Variants in SEC63 observed in about 807,000 individuals in gnomAD.
SEC63 encodes translocation protein SEC63 homolog.
In SEC63, 56 loss-of-function variants were observed where a neutral mutation model predicts 116.2. The ratio of observed to expected loss-of-function variants is 0.48; its 90% CI spans 0.39 to 0.60. SEC63 has a LOEUF of 0.60. Ranked by LOEUF, SEC63 falls within the 20% of genes least tolerant of loss-of-function variation. SEC63 has a pLI of 0.00. For missense variants in SEC63, 668 were observed against 900.0 expected (o/e 0.74, Z 3.30); for synonymous variants, 273 against 294.6 (o/e 0.93, Z 0.75).
Position 107,881,151 on chromosome 6 carries a change from C to T in SEC63, c.1933G>A (p.Glu645Lys), listed in dbSNP as rs935826770. ...THPVYSLYFP[E>K]EKQEWWWLYI... ...ACAGTAGCCTGTATATAACTCACCT[C>T]AGGAAAGTAAAGGCTATACACAGGA... is the stretch of plus-strand genomic sequence containing the variant. The change falls in exon 18 of 21, where the codon GAG becomes AAG. Residue 645 changes from glutamate (E) to lysine (K), a missense_variant and splice_region_variant. Physicochemically the swap from Glu to Lys is moderately conservative, Grantham distance 56. Around this residue, in one of 5 missense-constraint regions of SEC63, gnomAD observed 430 missense variants for 557.5 expected, o/e 0.77. Transcript: ENST00000369002. 2 of 1,599,838 alleles carry T rather than the reference C, an allele frequency of 1.3e-6. No individual in the cohort carries two copies.
chr6:107,917,675 T>C (rs1287197316), intron 4 of SEC63, among the ~76,000 whole-genome samples: 1 of 152,202 alleles, frequency 6.6e-6, no homozygotes, highest in East Asian at 1.9e-4. Flanking sequence ...ATTTGAAGAA[T>C]GTTTCAGTGG....
chr6:107,911,238 G>T, intron 7 of SEC63, 108 bp downstream of exon 7: 1 of 796,922 alleles, frequency 1.3e-6, no homozygotes. Flanking sequence ...TTAAATTCAA[G>T]GATCAATGGG....
chr6:107,938,565 TC>T (rs1235414617), intron 1 of SEC63, among the ~76,000 whole-genome samples: 1 of 148,760 alleles, frequency 6.7e-6, no homozygotes, highest in African/African-American at 2.6e-5. Context: ...ACTTCTTTTT[TC>T]TTTTTTTTTT....
intron 19 of SEC63, among the ~76,000 whole-genome samples, chr6:107,874,158 A>G (rs1250110200): frequency 3.9e-5 from 6 of 152,198 alleles, no homozygotes; most frequent in Admixed American, 1.3e-4. Context: ...CTGACCTAAG[A>G]ACTACATCAC....
intron 1 of SEC63, among the ~76,000 whole-genome samples, chr6:107,953,273 A>C (rs1770617082): frequency 6.6e-6 from 1 of 152,220 alleles, no homozygotes; most frequent in Admixed American, 6.5e-5. Flanking sequence ...AAATAAAAAT[A>C]CTTATATATG....
chr6:107,911,298 T>A, intron 7 of SEC63, 48 bp downstream of exon 7: 4 of 1,259,080 alleles, frequency 3.2e-6, no homozygotes, highest in Non-Finnish European at 4.7e-6. Flanking sequence ...CCAAAACATG[T>A]CAATCTCCTT....
intron 19 of SEC63, among the ~76,000 whole-genome samples, chr6:107,875,631 C>T (rs1185391503): frequency 2.0e-5 from 3 of 152,078 alleles, no homozygotes; most frequent in South Asian, 2.1e-4. Context: ...GCCCGGGAGG[C>T]GGAGGTTGCA....
chr6:107,930,994 A>C (rs1420780868), intron 1 of SEC63, among the ~76,000 whole-genome samples: 1 of 151,626 alleles, frequency 6.6e-6, no homozygotes, highest in Non-Finnish European at 1.5e-5. Context: ...CAAAGCAAAC[A>C]AACAAAAAGA....
chr6:107,883,694 C>A (rs994689370), intron 16 of SEC63, among the ~76,000 whole-genome samples: 2 of 150,602 alleles, frequency 1.3e-5, no homozygotes, highest in African/African-American at 2.4e-5. Flanking sequence ...GTAGTCCCAG[C>A]TAGTTGGGAG....
At chr6:107,920,446 A>AAAAAAAC (rs1787529337) in intron 4 of SEC63, among the ~76,000 whole-genome samples, 1 of 151,494 alleles carries the variant, frequency 6.6e-6, no homozygotes, top group Non-Finnish European at 1.5e-5. Flanking sequence ...AAAAAAAAAA[A>AAAAAAAC]AAAAGACATA....
chr6:107,933,502 G>A (rs1174718617), intron 1 of SEC63, among the ~76,000 whole-genome samples: 2 of 152,178 alleles, frequency 1.3e-5, no homozygotes, highest in Non-Finnish European at 2.9e-5. Flanking sequence ...TCAGTTTTGT[G>A]AAATTCCTGC....
At chr6:107,947,778 T>C (rs1249246337) in intron 1 of SEC63, among the ~76,000 whole-genome samples, 1 of 152,180 alleles carries the variant, frequency 6.6e-6, no homozygotes, top group East Asian at 1.9e-4. Context: ...CTTTCTAATC[T>C]GACCACCTGT....
At chr6:107,886,074 G>A (rs999264736) in intron 16 of SEC63, among the ~76,000 whole-genome samples, 13 of 152,150 alleles carry the variant, frequency 8.5e-5, no homozygotes, top group East Asian at 5.8e-4. Context: ...TGTTCTCATT[G>A]TTCAACTCCC....
chr6:107,916,523 C>T (rs889303643), intron 4 of SEC63, among the ~76,000 whole-genome samples: 13 of 152,242 alleles, frequency 8.5e-5, no homozygotes, highest in African/African-American at 3.1e-4. Context: ...GCTATTATAA[C>T]TTAGTATGCT....
chr6:107,935,997 T>C lies in SEC63; in HGVS notation c.125-6483A>G, dbSNP rs1039556712. On this transcript the variant is annotated intron_variant, in intron 1 of 20. Coordinates refer to ENST00000369002, the MANE Select transcript of SEC63 (RefSeq NM_007214.5). ...AAATACCACTAGTGATTTTTAAATATGTATTTTATTAAATTAAGCCTCTAC... is the reference window on the plus strand; with the variant it reads ...AAATACCACTAGTGATTTTTAAATACGTATTTTATTAAATTAAGCCTCTAC... 7.2e-5 allele frequency among the ~76,000 whole-genome samples: 11 copies of C among 152,188 alleles called. No individual in the cohort carries two copies. The East Asian group carries it at 1.5e-3, about 21-fold the overall frequency.
rs560502283 is a variant in SEC63 at position 107,893,056 on chromosome 6, C to T, written c.1674+426G>A. Among the ~76,000 whole-genome samples, 6 of 151,472 alleles carry T rather than the reference C, an allele frequency of 4.0e-5. No individual in the cohort carries two copies. In the East Asian group the frequency reaches 9.7e-4, roughly 25 times the overall value. On this transcript the variant is annotated intron_variant, in intron 16 of 20. Coordinates refer to ENST00000369002, the MANE Select transcript of SEC63 (RefSeq NM_007214.5). ...TAAGAACTACAAACAATCCAAACGTCGAACCACCACAAAACAGGTAAATGT... is the reference window on the plus strand; with the variant it reads ...TAAGAACTACAAACAATCCAAACGTTGAACCACCACAAAACAGGTAAATGT...
At position 107,958,131 on chromosome 6, in the gene SEC63, C is replaced by G; in HGVS notation, c.-122G>C. 1 of 1,461,190 alleles carries G rather than the reference C, an allele frequency of 6.8e-7. No homozygotes were observed. The highest frequency in any genetic ancestry group is 9.4e-7 in the Non-Finnish European group (1 of 1,064,878). 90.5% of individuals were successfully genotyped at this position (1,461,190 alleles called of 1,614,324 possible). A position where few individuals can be genotyped will look rare whatever the true frequency, so the allele number is the denominator to read the frequency against. On this transcript the variant is annotated 5_prime_UTR_variant, in exon 1 of 21. Transcript: ENST00000369002. ...GACACTGCCGCCGCCGCCTCTCCTC[C>G]CCGCCCCCACGCCACTCTCACGGAC...
chr6:107,923,406 G>A (rs1019419256), intron 3 of SEC63, among the ~76,000 whole-genome samples: 6 of 152,096 alleles, frequency 3.9e-5, no homozygotes, highest in Non-Finnish European at 5.9e-5. Flanking sequence ...GAGCCACTGC[G>A]GCTGGCCAAA....
intron 1 of SEC63, among the ~76,000 whole-genome samples, chr6:107,951,751 A>G (rs1275764839): frequency 6.6e-6 from 1 of 151,952 alleles, no homozygotes; most frequent in Admixed American, 6.6e-5. Context: ...TGGGAGGCTG[A>G]GGCAGGCGGA....
Sources: allele counts gnomAD v4.1 joint callset (sites outside exome capture counted in the v4.1 genomes callset), GRCh38; gene constraint gnomAD v4.1.1; regional missense constraint gnomAD v4.1.1; transcripts MANE v1.5; gene names NCBI Gene and HGNC (gene_info 2026-07-23, HGNC 2026-07-21).